The following RUNX1 variants were observed in gnomAD, a reference collection of about 807,000 sequenced individuals.
RUNX1 encodes runt-related transcription factor 1.
In RUNX1, 19 loss-of-function variants were observed where a neutral mutation model predicts 42.8. The ratio of observed to expected loss-of-function variants is 0.44; its 90% CI spans 0.31 to 0.65. The LOEUF is 0.65. Ranked by LOEUF, RUNX1 falls within the 30% of genes least tolerant of loss-of-function variation. The probability of loss-of-function intolerance (pLI) is 0.07; values close to 1 mark genes in which losing one functional copy is unlikely to be tolerated. For missense variants in RUNX1, 528 were observed against 672.0 expected (o/e 0.79, Z 2.37); for synonymous variants, 271 against 289.4 (o/e 0.94, Z 0.64).
intron 2 of RUNX1, among the ~76,000 whole-genome samples, chr21:35,007,558 AC>A (rs2059094459): frequency 6.6e-6 from 1 of 151,776 alleles, no homozygotes; most frequent in African/African-American, 2.4e-5. Flanking sequence ...CCCTGGCTCC[AC>A]CCTTTGTCTC....
In RUNX1 at chr21:34,908,928, GGTGTGTCTGTGTGT is replaced by G. The variant is rs1449871813; in HGVS notation, c.59-15979_59-15966del. 4.6e-5 allele frequency among the ~76,000 whole-genome samples: 7 copies of G among 152,084 alleles called. No individual in the cohort carries two copies. The East Asian group carries it at 5.8e-4, about 13-fold the overall frequency. On this transcript the variant is annotated intron_variant, in intron 2 of 8. Coordinates refer to ENST00000675419, the MANE Select transcript of RUNX1 (RefSeq NM_001754.5). ...CTTTCTTCTATATTTTCTTGGGGCT[GGTGTGTCTGTGTGT>G]GTGTGTCTGTGTGTGTGTATGTGTG...
chr21:34,966,983 T>C (rs2058723481), intron 2 of RUNX1, among the ~76,000 whole-genome samples: 1 of 152,042 alleles, frequency 6.6e-6, no homozygotes, highest in African/African-American at 2.4e-5. Flanking sequence ...CATGCAATTA[T>C]CCAATTTCTT....
chr21:34,979,649 T>C (rs1328106795), intron 2 of RUNX1, among the ~76,000 whole-genome samples: 3 of 152,360 alleles, frequency 2.0e-5, no homozygotes, highest in Admixed American at 2.0e-4. Flanking sequence ...GAGGTACCTT[T>C]TGCTCAATGT....
chr21:35,023,223 T>G (rs2059212319), intron 2 of RUNX1, among the ~76,000 whole-genome samples: 3 of 152,188 alleles, frequency 2.0e-5, no homozygotes, highest in Admixed American at 2.0e-4. Context: ...GGATTACAGG[T>G]GTGAGCCACC....
intron 2 of RUNX1, among the ~76,000 whole-genome samples, chr21:34,981,113 G>A (rs1421034439): frequency 6.6e-6 from 1 of 152,210 alleles, no homozygotes; most frequent in African/African-American, 2.4e-5. Flanking sequence ...CTGTGGAAGG[G>A]TCCCTCCTAA....
chr21:34,945,705 A>C (rs1476298579), intron 2 of RUNX1, among the ~76,000 whole-genome samples: 2 of 152,134 alleles, frequency 1.3e-5, no homozygotes, highest in African/African-American at 4.8e-5. Context: ...AGTTCCTTTC[A>C]TCTTCTTTGT....
At chr21:34,828,449 C>T (rs890949275) in intron 7 of RUNX1, among the ~76,000 whole-genome samples, 25 of 152,176 alleles carry the variant, frequency 1.6e-4, no homozygotes, top group African/African-American at 6.0e-4. Context: ...CTGGTTTAGA[C>T]AAGACTTTGG....
chr21:35,049,108 T>G, intron 1 of RUNX1, 60 bp downstream of exon 1: 1 of 533,320 alleles, frequency 1.9e-6, no homozygotes, highest in Non-Finnish European at 3.4e-6. Flanking sequence ...TTCAAATTGT[T>G]AAAGATTAAA....
chr21:34,940,834 C>T (rs189191419), intron 2 of RUNX1, among the ~76,000 whole-genome samples: 1 of 152,322 alleles, frequency 6.6e-6, no homozygotes, highest in African/African-American at 2.4e-5. Flanking sequence ...ATCTCAGAAA[C>T]CTTTGGTTTG....
chr21:34,887,259 GGTTA>G, intron 3 of RUNX1, 163 bp from the exon 4 acceptor site: 1 of 1,316,206 alleles, frequency 7.6e-7, no homozygotes, highest in South Asian at 1.6e-5. Flanking sequence ...GGGCGGGGGT[GGTTA>G]GGGGAGGAGG....
At chr21:34,798,041 G>GCT in intron 8 of RUNX1, 1 of 456,610 alleles carries the variant, frequency 2.2e-6, no homozygotes, top group Non-Finnish European at 4.4e-6. Context: ...ATTCTGTGAA[G>GCT]CTCTGAACAG....
intron 2 of RUNX1, among the ~76,000 whole-genome samples, chr21:34,960,039 G>A (rs539647821): frequency 1.3e-5 from 2 of 152,130 alleles, no homozygotes; most frequent in Non-Finnish European, 2.9e-5. Context: ...CAGGGGGTCA[G>A]CGAGCAGAGA....
chr21:34,956,248 T>C (rs987377016), intron 2 of RUNX1, among the ~76,000 whole-genome samples: 8 of 152,148 alleles, frequency 5.3e-5, no homozygotes, highest in Non-Finnish European at 1.5e-5. Flanking sequence ...TGAAGATTCA[T>C]TGTGAATTTT....
intron 3 of RUNX1, chr21:34,889,701 C>T (rs1173202771): frequency 2.2e-5 from 26 of 1,176,866 alleles, no homozygotes; most frequent in Non-Finnish European, 2.8e-5. Flanking sequence ...CGGGCGGCCG[C>T]TTCCCCCTGC....
intron 6 of RUNX1, among the ~76,000 whole-genome samples, chr21:34,842,197 T>C (rs2057246629): frequency 1.3e-5 from 2 of 152,158 alleles, no homozygotes; most frequent in Admixed American, 6.5e-5. Context: ...TTCATGAGAA[T>C]TGTCTCATTA....
At chr21:34,983,128 C>T (rs114423143) in intron 2 of RUNX1, among the ~76,000 whole-genome samples, 64 of 152,274 alleles carry the variant, frequency 4.2e-4, no homozygotes, top group African/African-American at 1.5e-3. Flanking sequence ...CCAGCAAGCG[C>T]ATGAGGTAGA....
chr21:34,795,003 T>C (rs1287398595), intron 8 of RUNX1, among the ~76,000 whole-genome samples: 1 of 152,140 alleles, frequency 6.6e-6, no homozygotes, highest in Non-Finnish European at 1.5e-5. Context: ...AAGTTCAGGT[T>C]CCTTAGAATT....
At chr21:35,004,641 G>C (rs1453928654) in intron 2 of RUNX1, among the ~76,000 whole-genome samples, 2 of 152,208 alleles carry the variant, frequency 1.3e-5, no homozygotes. Flanking sequence ...TCCATGGACT[G>C]TTTGAAGCAG....
At chr21:35,017,344 T>C (rs1423287475) in intron 2 of RUNX1, among the ~76,000 whole-genome samples, 1 of 152,180 alleles carries the variant, frequency 6.6e-6, no homozygotes, top group African/African-American at 2.4e-5. Context: ...CTAAAGCTTA[T>C]TGTGCTAGGG....
Sources: gnomAD v4.1 joint callset for allele counts (sites outside exome capture counted in the v4.1 genomes callset) on GRCh38, gnomAD v4.1.1 for gene constraint, MANE v1.5 for transcripts, NCBI Gene and HGNC (gene_info 2026-07-23, HGNC 2026-07-21) for gene names.